The following LINGO2 variants were observed in gnomAD, a reference collection of about 807,000 sequenced individuals.
The protein encoded by LINGO2 is leucine rich repeat and Ig domain containing 2.
Under a neutral mutation model 30.6 loss-of-function variants are expected in LINGO2, and 14 were observed. The ratio of observed to expected loss-of-function variants is 0.46; its 90% confidence interval spans 0.30 to 0.72. The LOEUF (loss-of-function observed/expected upper bound fraction) is 0.72, where lower values mean the gene tolerates loss of function less well. LINGO2 is among the 30% of genes least tolerant of loss of function. LINGO2 has a pLI of 0.07. For missense variants in LINGO2, 729 were observed against 751.7 expected (o/e 0.97, Z 0.35); for synonymous variants, 317 against 288.5 (o/e 1.10, Z -1.00).
At chr9:28,054,064 C>CAAAAAAAAAAAAAAAAAAAA (rs11461978) in intron 4 of LINGO2, among the ~76,000 whole-genome samples, 6 of 149,168 alleles carry the variant, frequency 4.0e-5, no homozygotes, top group African/African-American at 1.5e-4. Flanking sequence ...AGCTAGCAGA[C>CAAAAAAAAAAAAAAAAAAAA]AAAAAAAAAG....
the LINGO2 span, among the ~76,000 whole-genome samples, chr9:28,910,527 G>A: frequency 0.15 from 23,404 of 151,958 alleles, 1,860 homozygotes; most frequent in South Asian, 0.2. Flanking sequence ...GGGGTCTGGT[G>A]GGAGGTGATT....
the LINGO2 span, among the ~76,000 whole-genome samples, chr9:28,917,236 T>A: frequency 6.6e-6 from 1 of 152,086 alleles, no homozygotes; most frequent in Non-Finnish European, 1.5e-5. Flanking sequence ...GTAAACATTA[T>A]TATTATAAAA....
chr9:27,977,322 G>T (rs761159731), intron 5 of LINGO2, among the ~76,000 whole-genome samples: 4 of 151,660 alleles, frequency 2.6e-5, no homozygotes, highest in Non-Finnish European at 5.9e-5. Flanking sequence ...GGCTTCAACT[G>T]CTGGGAATAT....
At chr9:28,842,971 T>C in the LINGO2 span, among the ~76,000 whole-genome samples, 1 of 151,876 alleles carries the variant, frequency 6.6e-6, no homozygotes, top group Non-Finnish European at 1.5e-5. Flanking sequence ...CAGAAATTAA[T>C]ATTTTGCTAT....
At chr9:28,156,783 G>A (rs769918485) in intron 4 of LINGO2, among the ~76,000 whole-genome samples, 1 of 152,202 alleles carries the variant, frequency 6.6e-6, no homozygotes, top group Non-Finnish European at 1.5e-5. Context: ...AAACAAAGGG[G>A]CCACAGGCCC....
At chr9:28,872,323 T>G in the LINGO2 span, among the ~76,000 whole-genome samples, 1 of 152,084 alleles carries the variant, frequency 6.6e-6, no homozygotes, top group Non-Finnish European at 1.5e-5. Flanking sequence ...CCTTTTTTTT[T>G]GACATCAAAC....
chr9:28,807,206 G>A, the LINGO2 span, among the ~76,000 whole-genome samples: 1 of 151,820 alleles, frequency 6.6e-6, no homozygotes, highest in Non-Finnish European at 1.5e-5. Context: ...TGTATTTTTA[G>A]TAGAGACGGG....
chr9:28,385,077 G>A (rs1372751579), intron 2 of LINGO2, among the ~76,000 whole-genome samples: 2 of 152,080 alleles, frequency 1.3e-5, no homozygotes, highest in Non-Finnish European at 2.9e-5. Flanking sequence ...AGACACTGGG[G>A]TACAGGAGGG....
intron 1 of LINGO2, among the ~76,000 whole-genome samples, chr9:28,538,106 G>A (rs1313055917): frequency 6.6e-6 from 1 of 151,704 alleles, no homozygotes; most frequent in African/African-American, 2.4e-5. Flanking sequence ...CAAGAGTGAG[G>A]GCAAAATAGA....
intron 4 of LINGO2, among the ~76,000 whole-genome samples, chr9:28,119,996 G>C (rs891636002): frequency 6.6e-6 from 1 of 152,136 alleles, no homozygotes; most frequent in Non-Finnish European, 1.5e-5. Context: ...ATAGAGAAAA[G>C]ATAGAATAAA....
intron 4 of LINGO2, among the ~76,000 whole-genome samples, chr9:28,167,397 T>C (rs1437503980): frequency 6.6e-6 from 1 of 152,212 alleles, no homozygotes; most frequent in East Asian, 1.9e-4. Flanking sequence ...TTGTTTCCTT[T>C]TGAGACAGAG....
chr9:28,340,921 T>G (rs1464443108), intron 3 of LINGO2, among the ~76,000 whole-genome samples: 1 of 152,076 alleles, frequency 6.6e-6, no homozygotes, highest in Admixed American at 6.6e-5. Context: ...AATCTAGCAA[T>G]AAATTCAAGA....
intron 1 of LINGO2, among the ~76,000 whole-genome samples, chr9:28,476,802 T>C (rs1825748172): frequency 6.6e-6 from 1 of 152,254 alleles, no homozygotes; most frequent in Non-Finnish European, 1.5e-5. Context: ...GATTATTCTT[T>C]GTCGTTTATG....
chr9:28,226,886 T>G (rs891197096), intron 4 of LINGO2, among the ~76,000 whole-genome samples: 22 of 152,098 alleles, frequency 1.4e-4, no homozygotes, highest in African/African-American at 5.3e-4. Flanking sequence ...AAAGTGCAAT[T>G]GACCTTAGTA....
the LINGO2 span, among the ~76,000 whole-genome samples, chr9:29,086,703 C>G: frequency 1.3e-5 from 2 of 151,932 alleles, no homozygotes; most frequent in East Asian, 3.9e-4. Flanking sequence ...AATGTATTTC[C>G]AAACATAAGT....
At chr9:28,325,693 G>A (rs528274528) in intron 3 of LINGO2, among the ~76,000 whole-genome samples, 9 of 152,110 alleles carry the variant, frequency 5.9e-5, no homozygotes, top group East Asian at 1.9e-4. Context: ...TGATTGTGAC[G>A]CCTCCCCAGC....
chr9:27,948,979 C>G (rs1395216498), exon 6 of LINGO2: 2 of 1,613,562 alleles, frequency 1.2e-6, no homozygotes, highest in Non-Finnish European at 1.7e-6. Flanking sequence ...CGGCTCCACA[C>G]AAAAAGGAGA....
Position 28,645,736 on chromosome 9 carries a change from A to G in LINGO2, c.-365+24464T>C, listed in dbSNP as rs547501454. Among the ~76,000 whole-genome samples, 27 of 152,242 alleles carry G rather than the reference A, an allele frequency of 1.8e-4. No individual in the cohort carries two copies. In the South Asian group the frequency reaches 5.2e-3, roughly 29 times the overall value. On this transcript the variant is annotated intron_variant, in intron 1 of 5. Coordinates refer to ENST00000379992, the Ensembl canonical transcript of LINGO2. The stretch of plus-strand genomic sequence containing the variant: ...TTTTTAATAAGACCTTGGTAGCCCT[A>G]TCTACTGAAAATGATATCTAATATC...
At chr9:28,436,660 T>C (rs967071080) in intron 2 of LINGO2, among the ~76,000 whole-genome samples, 4 of 152,016 alleles carry the variant, frequency 2.6e-5, no homozygotes, top group Non-Finnish European at 4.4e-5. Context: ...GGTTTCACCG[T>C]GTTAGCCAGG....
Sources: gnomAD v4.1 joint callset for allele counts (sites outside exome capture counted in the v4.1 genomes callset) on GRCh38, gnomAD v4.1.1 for gene constraint, MANE v1.5 for transcripts, NCBI Gene and HGNC (gene_info 2026-07-23, HGNC 2026-07-21) for gene names.